Variants in CNGA1 observed in about 807,000 individuals in gnomAD.
The protein encoded by CNGA1 is cyclic nucleotide gated channel subunit alpha 1.
A neutral mutation model predicts 69.7 loss-of-function variants in CNGA1; 53 were observed. The observed-to-expected ratio is 0.76, with a 90% confidence interval of 0.61 to 0.96. CNGA1 has a LOEUF of 0.96. Ranked by LOEUF, CNGA1 falls within the 40% of genes least tolerant of loss-of-function variation. CNGA1 has a pLI of 0.00. For missense variants in CNGA1, 739 were observed against 811.2 expected (o/e 0.91, Z 1.08); for synonymous variants, 249 against 283.5 (o/e 0.88, Z 1.22).
intron 2 of CNGA1, among the ~76,000 whole-genome samples, chr4:48,005,023 A>G (rs1286474000): frequency 6.6e-6 from 1 of 152,200 alleles, no homozygotes; most frequent in Non-Finnish European, 1.5e-5. Flanking sequence ...CAGGTGTACT[A>G]TAGTTTTTGA....
Position 47,937,785 on chromosome 4 carries a change from T to C in CNGA1, c.697A>G (p.Ile233Val). The change falls in exon 11 of 11, where the codon ATA becomes GTA. Residue 233 changes from isoleucine to valine, a missense_variant. By Grantham distance (29) the Ile-to-Val change is conservative. Coordinates refer to ENST00000514170, the MANE Select transcript of CNGA1 (RefSeq NM_001379270.1). ...GLLVKEELKL[I>V]NKYKSNLQFK... ...TGCAAGTTGGATTTATATTTATTTA[T>C]GAGTTTAAGTTCTTCCTTTACCAGC... is the stretch of plus-strand genomic sequence containing the variant. The C allele has an allele frequency of 1.2e-6, 2 of 1,612,728 alleles. No homozygotes were observed. Among genetic ancestry groups the C allele is most frequent in the Non-Finnish European group, 1.7e-6 (2 of 1,178,936 alleles).
At chr4:48,000,865 T>G (rs1714639420) in intron 2 of CNGA1, among the ~76,000 whole-genome samples, 2 of 152,158 alleles carry the variant, frequency 1.3e-5, no homozygotes, top group Non-Finnish European at 2.9e-5. Context: ...CTTTTGTACC[T>G]AGGGAAAATA....
chr4:48,006,405 A>C (rs998238961), intron 2 of CNGA1, among the ~76,000 whole-genome samples: 1 of 152,158 alleles, frequency 6.6e-6, no homozygotes, highest in Non-Finnish European at 1.5e-5. Context: ...ATTACTGATA[A>C]TGTACACTAA....
chr4:48,013,720 C>T (rs920671071), intron 1 of CNGA1, among the ~76,000 whole-genome samples: 1 of 152,262 alleles, frequency 6.6e-6, no homozygotes, highest in East Asian at 1.9e-4. Flanking sequence ...TATTGATTTT[C>T]TTTCACAACT....
Position 48,008,217 on chromosome 4 carries a change from C to A in CNGA1, c.-123+2577G>T, listed in dbSNP as rs192948007. 3.0e-3 allele frequency among the ~76,000 whole-genome samples: 459 copies of A among 152,086 alleles called. 2 individuals are homozygous for A. The highest frequency in any genetic ancestry group is 0.011 in the African/African-American group (440 of 41,488). On this transcript the variant is annotated intron_variant, in intron 2 of 10. Transcript: ENST00000514170. ...AAATAAATTCTTTCATTGTGACTTA[C>A]CCAGACCATTCATGACATGCTTGGA...
chr4:48,004,785 C>G (rs368288473), intron 2 of CNGA1, among the ~76,000 whole-genome samples: 158 of 149,130 alleles, frequency 1.1e-3, no homozygotes, highest in Admixed American at 1.9e-3. Flanking sequence ...TTATTTTCTT[C>G]TGAAGTTTAA....
chr4:47,942,573 TG>T, intron 8 of CNGA1, among the ~76,000 whole-genome samples: 1 of 152,256 alleles, frequency 6.6e-6, no homozygotes, highest in Middle Eastern at 3.4e-3. Flanking sequence ...GGCATAGATC[TG>T]GGGTCCCCAA....
At chr4:47,981,959 C>G (rs6838837) in intron 2 of CNGA1, among the ~76,000 whole-genome samples, 17,250 of 152,098 alleles carry the variant, frequency 0.11, 1,576 homozygotes, top group East Asian at 0.32. Flanking sequence ...AGTCATTGAT[C>G]TTTTAATTGT....
In CNGA1 at chr4:47,943,394, CT is replaced by C. The variant is rs1560621807; in HGVS notation, c.305del (p.Lys102ArgfsTer92). ...SNKDQEPEEK[K>X]KKKKEKKSKS... is the part of the protein sequence containing the mutation. Reference sequence around the variant, plus strand: ...ACCTCTTCTTTTCTTTTTTCTTTTTCTTTTTTTCTTCTGGTTCCCTAAAGAA... The same window carrying C: ...ACCTCTTCTTTTCTTTTTTCTTTTTCTTTTTTCTTCTGGTTCCCTAAAGAA... On this transcript the variant is annotated frameshift_variant, in exon 7 of 11. Coordinates refer to ENST00000514170, the MANE Select transcript of CNGA1 (RefSeq NM_001379270.1). LOFTEE classifies it high-confidence loss of function. 1 of 1,507,614 alleles carries C rather than the reference CT, an allele frequency of 6.6e-7. No individual in the cohort carries two copies. The highest frequency in any genetic ancestry group is 8.9e-7 in the Non-Finnish European group (1 of 1,124,816). 93.4% of individuals were successfully genotyped at this position (1,507,614 alleles called of 1,614,324 possible).
In CNGA1 at chr4:48,016,521, A is replaced by G. The variant is rs541118638; in HGVS notation, c.-261T>C. ...ACGCTCCGAGAGACGCTGTTGCTCT[A>G]TGAGGCGTGTCTGTGTTTCTCTAGT... is the stretch of plus-strand genomic sequence containing the variant. On this transcript the variant is annotated 5_prime_UTR_variant, in exon 1 of 11. Transcript: ENST00000514170. 22 of 419,272 alleles carry G rather than the reference A, an allele frequency of 5.2e-5. No homozygotes were observed. The South Asian group carries it at 6.8e-4, about 13-fold the overall frequency. The allele number at this position is 419,272 out of a possible 1,614,324, so 26.0% of individuals were successfully genotyped here. A position where few individuals can be genotyped will look rare whatever the true frequency, so the allele number is the denominator to read the frequency against.
chr4:47,937,824 G>C lies in CNGA1; in HGVS notation c.658C>G (p.Leu220Val), dbSNP rs752871155. The C allele has an allele frequency of 6.2e-7, 1 of 1,605,458 alleles. No individual in the cohort carries two copies. The highest frequency in any genetic ancestry group is 8.5e-7 in the Non-Finnish European group (1 of 1,172,754). ...DMFVRTRTGY[L>V]EQGLLVKEEL... is the part of the protein sequence containing the mutation. ...TCCTTTACCAGCAGTCCTTGTTCTA[G>C]GTAACCTAAAATAGAAAATAAAATC... is the stretch of plus-strand genomic sequence containing the variant. Residue 220 changes from leucine (L) to valine (V), a missense_variant, in exon 11 of 11, where the codon CTA (leucine) becomes GTA (valine). Physicochemically the swap from Leu to Val is conservative, Grantham distance 32. Coordinates refer to ENST00000514170, the MANE Select transcript of CNGA1 (RefSeq NM_001379270.1).
rs117480424 is a variant in CNGA1, at chr4:47,995,906, T to A, written c.-122-14406A>T. Among the ~76,000 whole-genome samples, 214 of 152,278 alleles carry A rather than the reference T, an allele frequency of 1.4e-3. 3 individuals carry two copies. In the East Asian group the frequency reaches 0.038, roughly 27 times the overall value. On this transcript the variant is annotated intron_variant, in intron 2 of 10. Transcript: ENST00000514170. ...CCTGAGAGCCAAGCTGTAGTGATTATTATCTCTCTTCTGGATCTAGCCACC... is the reference window on the plus strand; with the variant it reads ...CCTGAGAGCCAAGCTGTAGTGATTAATATCTCTCTTCTGGATCTAGCCACC...
intron 6 of CNGA1, among the ~76,000 whole-genome samples, chr4:47,948,304 C>G (rs577309102): frequency 6.6e-6 from 1 of 152,128 alleles, no homozygotes; most frequent in Non-Finnish European, 1.5e-5. Context: ...GAAACCACAG[C>G]TGAAGTGCTA....
intron 3 of CNGA1, among the ~76,000 whole-genome samples, chr4:47,977,753 G>A (rs1025894005): frequency 6.6e-5 from 10 of 151,642 alleles, no homozygotes; most frequent in Admixed American, 5.3e-4. Context: ...GCATTTTATT[G>A]CACAAAACAC....
intron 2 of CNGA1, among the ~76,000 whole-genome samples, chr4:48,004,949 C>T (rs968741591): frequency 6.6e-6 from 1 of 152,032 alleles, no homozygotes; most frequent in African/African-American, 2.4e-5. Context: ...AAAATTAGAA[C>T]TCAGTCCAAA....
intron 1 of CNGA1, among the ~76,000 whole-genome samples, chr4:48,011,468 C>T (rs1715162589): frequency 6.6e-6 from 1 of 151,900 alleles, no homozygotes; most frequent in African/African-American, 2.4e-5. Flanking sequence ...TGACTTTTAA[C>T]CATTGAGTTC....
chr4:47,953,231 G>A (rs922694542), intron 3 of CNGA1, among the ~76,000 whole-genome samples: 2 of 152,206 alleles, frequency 1.3e-5, no homozygotes, highest in Non-Finnish European at 1.5e-5. Context: ...GGCATGGCCT[G>A]TTCCCCTAAT....
At chr4:47,975,116 A>G (rs1741282450) in intron 3 of CNGA1, among the ~76,000 whole-genome samples, 1 of 152,230 alleles carries the variant, frequency 6.6e-6, no homozygotes, top group Non-Finnish European at 1.5e-5. Context: ...GAAACTTAAA[A>G]TGATTAATCT....
At chr4:47,949,385 A>G (rs1370637687) in intron 6 of CNGA1, among the ~76,000 whole-genome samples, 2 of 152,190 alleles carry the variant, frequency 1.3e-5, no homozygotes, top group African/African-American at 2.4e-5. Flanking sequence ...ATTGTACATC[A>G]GCTCTATTCT....
Sources: allele counts gnomAD v4.1 joint callset (sites outside exome capture counted in the v4.1 genomes callset), GRCh38; gene constraint gnomAD v4.1.1; transcripts MANE v1.5; gene names NCBI Gene and HGNC (gene_info 2026-07-23, HGNC 2026-07-21).